The following GLIS2 variants were observed in gnomAD, a reference collection of about 807,000 sequenced individuals.
GLIS2 encodes GLIS family zinc finger 2, also known as zinc finger protein GLIS2.
A neutral mutation model predicts 35.6 loss-of-function variants in GLIS2; 14 were observed. The ratio of observed to expected loss-of-function variants is 0.39; its 90% confidence interval spans 0.26 to 0.61. GLIS2 has a LOEUF of 0.61. Among genes scored for constraint, GLIS2 ranks in the 20% least tolerant of loss-of-function variants. The pLI, the probability that GLIS2 is intolerant of heterozygous loss-of-function variation, is 0.48. For synonymous variants in GLIS2, 368 were observed against 325.1 expected (o/e 1.13, Z -1.42); for missense variants, 675 against 713.4 (o/e 0.95, Z 0.61).
chr16:4,335,448 C>A lies in GLIS2; in HGVS notation c.775+55C>A, dbSNP rs994904261. 2.0e-6 allele frequency: 3 copies of A among 1,524,770 alleles called. No individual in the cohort carries two copies. Among genetic ancestry groups the A allele is most frequent in the Non-Finnish European group, 2.7e-6 (3 of 1,101,010 alleles). The allele number at this position is 1,524,770 out of a possible 1,614,324, so 94.5% of individuals were successfully genotyped here. Reference sequence around the variant, plus strand: ...CATGAAGGGGGCGCTCAGCTGAGACCGGCTGGGCAGGTCCCCAGGGGGAGG... The same window carrying A: ...CATGAAGGGGGCGCTCAGCTGAGACAGGCTGGGCAGGTCCCCAGGGGGAGG... On this transcript the variant is annotated intron_variant, in intron 6 of 6. Transcript: ENST00000433375. This position sits in a 1 kb window ranked among gnomAD's most constrained non-coding sequence, Gnocchi z 4.6.
chr16:4,315,099 T>G (rs2053292814), upstream of GLIS2: 1 of 152,186 alleles, frequency 6.6e-6, no homozygotes, highest in Admixed American at 6.5e-5. Flanking sequence ...CCAGGAGGGA[T>G]CTAGACCTCC....
chr16:4,316,838 C>A (rs1230635897), intron 1 of GLIS2, among the ~76,000 whole-genome samples: 1 of 152,140 alleles, frequency 6.6e-6, no homozygotes, highest in Admixed American at 6.5e-5. Flanking sequence ...TACTCCCCTG[C>A]GGTCCGGGTG....
Position 4,337,367 on chromosome 16 carries a change from C to T in GLIS2, c.1418C>T (p.Ser473Phe), listed in dbSNP as rs758012466. 11 of 1,592,580 alleles carry T rather than the reference C, an allele frequency of 6.9e-6. No individual in the cohort carries two copies. The South Asian group carries it at 1.0e-4, about 15-fold the overall frequency. The change falls in exon 7 of 7, where the codon TCC becomes TTC. Residue 473 changes from serine to phenylalanine, a missense_variant. Physicochemically the swap from Ser to Phe is radical, Grantham distance 155 (BLOSUM62 -2). Coordinates refer to ENST00000433375, the MANE Select transcript of GLIS2 (RefSeq NM_032575.3). ...CTTGAAAGGACGGAGAGCAGCTGCT[C>T]CCGGCCAAGCCCCGATGGACTCCCC... ...TPLERTESSC[S>F]RPSPDGLPLL... is the part of the protein sequence containing the mutation.
chr16:4,336,930 G>A lies in GLIS2; in HGVS notation c.981G>A (p.Glu327=), dbSNP rs1251241714. ...ACTTTGTGTCCCACGAGCAGCAAGA[G>A]CTCCTGCAGCTGCGCCCACCCCCCA... ...HGHFVSHEQQ[E]LLQLRPPPKP... The change falls in exon 7 of 7, where the codon GAG becomes GAA. Residue 327 remains glutamate (E), a synonymous_variant. Transcript: ENST00000433375. 2.5e-6 allele frequency: 4 copies of A among 1,612,336 alleles called. No individual in the cohort carries two copies. The South Asian group carries it at 4.4e-5, about 18-fold the overall frequency.
At chr16:4,330,606 T>G (rs112324665) in intron 1 of GLIS2, among the ~76,000 whole-genome samples, 3,784 of 152,316 alleles carry the variant, frequency 0.025, 68 homozygotes, top group Middle Eastern at 0.054. Flanking sequence ...TCCTTGGTGG[T>G]GAGCGTGGCT....
rs755737547 is a variant in GLIS2 at position 4,332,488 on chromosome 16, T to C, written c.172+36T>C. On this transcript the variant is annotated intron_variant, in intron 2 of 6. Transcript: ENST00000433375. This position sits in a 1 kb window ranked among gnomAD's most constrained non-coding sequence, Gnocchi z 5.4. ...TGGGCAGGGCAGGGGGACTTAGCCCTGATCCAGTCATGGTGACAGGGAGAA... is the reference window on the plus strand; with the variant it reads ...TGGGCAGGGCAGGGGGACTTAGCCCCGATCCAGTCATGGTGACAGGGAGAA... 1.1e-5 allele frequency: 17 copies of C among 1,602,962 alleles called. No homozygotes were observed. The Middle Eastern group carries it at 6.3e-4, about 59-fold the overall frequency.
rs1178581118 is a variant in GLIS2 at position 4,320,417 on chromosome 16, TGGG to T, written c.-67+4167_-67+4169del. 2.0e-5 allele frequency among the ~76,000 whole-genome samples: 3 copies of T among 151,914 alleles called. No individual in the cohort carries two copies. On this transcript the variant is annotated intron_variant, in intron 1 of 6. Transcript: ENST00000433375. This position sits in a 1 kb window ranked among gnomAD's most constrained non-coding sequence, Gnocchi z 5.6. ...TAGTCAAGAGGTCGTCGGAGGCCGGTGGGGGGAAACTGAGGCTCTGAGACATTT... is the reference window on the plus strand; with the variant it reads ...TAGTCAAGAGGTCGTCGGAGGCCGGTGGGAAACTGAGGCTCTGAGACATTT...
At chr16:4,318,612 G>A (rs1159031367) in intron 1 of GLIS2, among the ~76,000 whole-genome samples, 1 of 152,180 alleles carries the variant, frequency 6.6e-6, no homozygotes, top group Non-Finnish European at 1.5e-5. Flanking sequence ...GAACAGGCCG[G>A]AGGGAAAACA....
At position 4,333,479 on chromosome 16, in the gene GLIS2, G is replaced by C; in HGVS notation, c.305G>C (p.Arg102Pro). 5 of 1,612,262 alleles carry C rather than the reference G, an allele frequency of 3.1e-6. No homozygotes were observed. The highest frequency in any genetic ancestry group is 4.2e-6 in the Non-Finnish European group (5 of 1,179,734). The change falls in exon 3 of 7, where the codon CGC becomes CCC. Residue 102 changes from arginine to proline, a missense_variant. This residue lies in a region of GLIS2 where 225 missense variants were observed against 238.7 expected (regional missense o/e 0.94). Coordinates refer to ENST00000433375, the MANE Select transcript of GLIS2 (RefSeq NM_032575.3). ...GGCAGCAGCTCGCTGTCCCCCGAGC[G>C]CCAGGGCAACGGGGACCTGCCTCCA... is the stretch of plus-strand genomic sequence containing the variant. ...PNGSSSLSPE[R>P]QGNGDLPPVP... is the part of the protein sequence containing the mutation.
chr16:4,331,785 G>GA (rs1216364174), intron 1 of GLIS2: 2 of 204,142 alleles, frequency 9.8e-6, no homozygotes, highest in Non-Finnish European at 1.0e-5. Context: ...CTACAAAAAA[G>GA]AAAATTTTTT....
At position 4,325,827 on chromosome 16, in the gene GLIS2, C is replaced by T. The variant is rs151004017; in HGVS notation, c.-66-6388C>T. Among the ~76,000 whole-genome samples the T allele has an allele frequency of 1.2e-3, 185 of 149,516 alleles. 1 individual carries two copies. Among genetic ancestry groups the T allele is most frequent in the African/African-American group, 4.4e-3 (179 of 40,592 alleles). The stretch of plus-strand genomic sequence containing the variant: ...GGTGGTGCACCTGTGGTCCTAGCTG[C>T]TCTGCAGGCTGAGGCAGGAGGATCT... On this transcript the variant is annotated intron_variant, in intron 1 of 6. Transcript: ENST00000433375.
At position 4,335,463 on chromosome 16, in the gene GLIS2, C is replaced by G; in HGVS notation, c.775+70C>G. ...CAGCTGAGACCGGCTGGGCAGGTCC[C>G]CAGGGGGAGGGGACTGTTAAGTAAA... is the stretch of plus-strand genomic sequence containing the variant. On this transcript the variant is annotated intron_variant, in intron 6 of 6. Coordinates refer to ENST00000433375, the MANE Select transcript of GLIS2 (RefSeq NM_032575.3). This position sits in a 1 kb window ranked among gnomAD's most constrained non-coding sequence, Gnocchi z 4.6. The G allele has an allele frequency of 7.3e-7, 1 of 1,364,186 alleles. No homozygotes were observed. 84.5% of individuals were successfully genotyped at this position (1,364,186 alleles called of 1,614,324 possible). A position where few individuals can be genotyped will look rare whatever the true frequency, so the allele number is the denominator to read the frequency against.
chr16:4,334,541 T>C (rs1193113788), intron 3 of GLIS2, among the ~76,000 whole-genome samples: 1 of 151,960 alleles, frequency 6.6e-6, no homozygotes, highest in Admixed American at 6.6e-5. Flanking sequence ...CCTGGCTATA[T>C]ATTTTTTTTA....
rs1451186275 is a variant in GLIS2 at position 4,337,140 on chromosome 16, C to A, written c.1191C>A (p.Gly397=). Residue 397 remains glycine, a synonymous_variant, in exon 7 of 7, where the codon GGC becomes GGA. Coordinates refer to ENST00000433375, the MANE Select transcript of GLIS2 (RefSeq NM_032575.3). ...GNGGGSGGGG[G]MGPGLPGPVL... is the part of the protein sequence containing the mutation. The stretch of plus-strand genomic sequence containing the variant: ...GTGGGGGCAGTGGGGGTGGGGGGGG[C>A]ATGGGCCCTGGGCTGCCAGGCCCCG... 1 of 1,537,124 alleles carries A rather than the reference C, an allele frequency of 6.5e-7. No individual in the cohort carries two copies. Among genetic ancestry groups the A allele is most frequent in the Non-Finnish European group, 8.7e-7 (1 of 1,146,600 alleles).
chr16:4,317,212 G>A (rs1352263510), intron 1 of GLIS2, among the ~76,000 whole-genome samples: 1 of 152,138 alleles, frequency 6.6e-6, no homozygotes, highest in Non-Finnish European at 1.5e-5. Flanking sequence ...AGGGGCCCTG[G>A]GCCCCCAGCC....
intron 1 of GLIS2, among the ~76,000 whole-genome samples, chr16:4,317,581 G>A (rs1003796047): frequency 3.3e-5 from 5 of 152,120 alleles, no homozygotes; most frequent in Admixed American, 1.3e-4. Context: ...CACCCATCCC[G>A]GGTGACCTCG....
Position 4,337,129 on chromosome 16 carries a change from G to T in GLIS2, c.1180G>T (p.Gly394Cys). 6.5e-7 allele frequency: 1 copy of T among 1,536,548 alleles called. No individual in the cohort carries two copies. The change falls in exon 7 of 7, where the codon GGT becomes TGT. Residue 394 changes from glycine (G) to cysteine (C), a missense_variant. Physicochemically the swap from Gly to Cys is radical, Grantham distance 159 (BLOSUM62 -3). Transcript: ENST00000433375. The stretch of plus-strand genomic sequence containing the variant: ...CTGTGGCAACGGTGGGGGCAGTGGG[G>T]GTGGGGGGGGCATGGGCCCTGGGCT... ...LACGNGGGSG[G>C]GGGMGPGLPG...
In GLIS2 at chr16:4,335,006, G is replaced by C. The variant is rs1315730871; in HGVS notation, c.522+29G>C. ...AGTGGGGGCCAGCAAGAGTAGTGTG[G>C]AGTCTGGGGCAGGTCACCCCGCATG... On this transcript the variant is annotated intron_variant, in intron 4 of 6. Coordinates refer to ENST00000433375, the MANE Select transcript of GLIS2 (RefSeq NM_032575.3). This position sits in a 1 kb window ranked among gnomAD's most constrained non-coding sequence, Gnocchi z 4.6. 3 of 1,613,244 alleles carry C rather than the reference G, an allele frequency of 1.9e-6. No homozygotes were observed. The highest frequency in any genetic ancestry group is 2.5e-6 in the Non-Finnish European group (3 of 1,180,024).
rs775844299 is a variant in GLIS2 at position 4,332,444 on chromosome 16, C to T, written c.164C>T (p.Pro55Leu). The T allele has an allele frequency of 1.9e-5, 30 of 1,611,416 alleles. No homozygotes were observed. Among genetic ancestry groups the T allele is most frequent in the Non-Finnish European group, 2.2e-5 (26 of 1,179,884 alleles). The change falls in exon 2 of 7, where the codon CCG becomes CTG. Residue 55 changes from proline to leucine, a missense_variant. Physicochemically the swap from Pro to Leu is moderately conservative, Grantham distance 98. Transcript: ENST00000433375. The surrounding 1 kb of genome is among the most constrained non-coding windows in gnomAD (Gnocchi z 5.4). ...DSPTPGSPGS[P>L]PSGFLLNSKF... ...CCCACACCTGGCTCTCCAGGCTCCC[C>T]GCCCTCAGGTACTGGCCCTGGGCAG...
Sources: gnomAD v4.1 joint callset for allele counts (sites outside exome capture counted in the v4.1 genomes callset) on GRCh38, gnomAD v4.1.1 for gene constraint, gnomAD v4.1.1 regional missense constraint, Gnocchi (gnomAD v3.1) non-coding constraint, MANE v1.5 for transcripts, NCBI Gene and HGNC (gene_info 2026-07-23, HGNC 2026-07-21) for gene names.